Variants in ARSJ observed in about 807,000 individuals in gnomAD.
ARSJ encodes the protein arylsulfatase J.
ARSJ carries 26 observed loss-of-function variants against 35.9 expected under a neutral mutation model. The observed-to-expected ratio is 0.72, with a 90% CI of 0.53 to 1.00. ARSJ has a LOEUF of 1.00. ARSJ is among the 50% of genes least tolerant of loss of function. The pLI is 0.00. For missense variants in ARSJ, 667 were observed against 723.6 expected, an observed-to-expected ratio of 0.92 and a Z score of 0.90; for synonymous variants, 294 against 267.6, an observed-to-expected ratio of 1.10 and a Z score of -0.96.
Position 113,902,880 on chromosome 4 carries a change from T to G in ARSJ, c.1194A>C (p.Leu398=). The G allele has an allele frequency of 6.2e-7, 1 of 1,614,188 alleles. No individual in the cohort carries two copies. The highest frequency in any genetic ancestry group is 8.5e-7 in the Non-Finnish European group (1 of 1,180,030). ...AEGQIDEDIQ[L]DGYDIWETIS... ...TGGTCTCCCAGATATCATAGCCATC[T>G]AGTTGAATGTCCTCATCAATCTGTC... The change falls in exon 2 of 2, where the codon CTA becomes CTC. Residue 398 remains leucine (L), a synonymous_variant. Coordinates refer to ENST00000315366, the MANE Select transcript of ARSJ (RefSeq NM_024590.4).
intron 1 of ARSJ, among the ~76,000 whole-genome samples, chr4:113,973,422 G>C (rs1190484133): frequency 6.6e-6 from 1 of 151,956 alleles, no homozygotes; most frequent in Non-Finnish European, 1.5e-5. Context: ...CTTTGCAAAG[G>C]GTCCATGATC....
At chr4:113,940,156 T>C (rs539289427) in intron 1 of ARSJ, among the ~76,000 whole-genome samples, 35 of 152,108 alleles carry the variant, frequency 2.3e-4, no homozygotes, top group Non-Finnish European at 4.3e-4. Flanking sequence ...CCCAAAGGAA[T>C]ATAAATCATT....
At chr4:113,927,505 T>A (rs1408698981) in intron 1 of ARSJ, among the ~76,000 whole-genome samples, 1 of 152,184 alleles carries the variant, frequency 6.6e-6, no homozygotes, top group African/African-American at 2.4e-5. Flanking sequence ...GAGAGTTGAT[T>A]TACCCCTGAC....
At chr4:113,912,374 T>C (rs1722970601) in intron 1 of ARSJ, among the ~76,000 whole-genome samples, 2 of 152,154 alleles carry the variant, frequency 1.3e-5, no homozygotes, top group African/African-American at 4.8e-5. Context: ...GCAATAAGCA[T>C]GTAGACCTTA....
At chr4:113,919,568 T>C (rs925744820) in intron 1 of ARSJ, among the ~76,000 whole-genome samples, 1 of 152,216 alleles carries the variant, frequency 6.6e-6, no homozygotes, top group African/African-American at 2.4e-5. Flanking sequence ...TTTCAGGTCA[T>C]GTTCCATCAT....
intron 1 of ARSJ, 83 bp downstream of exon 1, chr4:113,978,354 T>C (rs1727718839): frequency 7.6e-7 from 1 of 1,307,900 alleles, no homozygotes; most frequent in Non-Finnish European, 1.0e-6. Context: ...TACTTTCTGT[T>C]ACTCCCTTAA....
intron 1 of ARSJ, among the ~76,000 whole-genome samples, chr4:113,913,734 TA>T (rs1476709081): frequency 6.6e-6 from 1 of 152,298 alleles, no homozygotes; most frequent in Admixed American, 6.5e-5. Flanking sequence ...GACTACAGAA[TA>T]ATGTAAAATT....
At chr4:113,969,999 G>A (rs1235533841) in intron 1 of ARSJ, among the ~76,000 whole-genome samples, 1 of 152,196 alleles carries the variant, frequency 6.6e-6, no homozygotes, top group Admixed American at 6.5e-5. Context: ...GAGTAAGAAA[G>A]CTCATCGTTG....
At chr4:113,966,982 G>T (rs1021709403) in intron 1 of ARSJ, among the ~76,000 whole-genome samples, 4 of 152,168 alleles carry the variant, frequency 2.6e-5, no homozygotes, top group Non-Finnish European at 4.4e-5. Context: ...ATCTCCTCAG[G>T]AAGGGGACAA....
At chr4:113,919,623 A>G (rs1723540055) in intron 1 of ARSJ, among the ~76,000 whole-genome samples, 1 of 152,186 alleles carries the variant, frequency 6.6e-6, no homozygotes, top group Non-Finnish European at 1.5e-5. Flanking sequence ...TTCTGTATCC[A>G]TATGAGGTAG....
intron 1 of ARSJ, among the ~76,000 whole-genome samples, chr4:113,933,630 A>T (rs1192685080): frequency 2.6e-5 from 4 of 151,914 alleles, no homozygotes; most frequent in African/African-American, 9.7e-5. Flanking sequence ...CAAGAAAAAA[A>T]CCCATATGAC....
intron 1 of ARSJ, among the ~76,000 whole-genome samples, chr4:113,940,531 C>T (rs529849194): frequency 6.6e-6 from 1 of 151,478 alleles, no homozygotes; most frequent in South Asian, 2.1e-4. Flanking sequence ...CAAAAAATAG[C>T]TAATGCATGC....
chr4:113,972,318 ACCCC>A (rs1727318459), intron 1 of ARSJ, among the ~76,000 whole-genome samples: 8 of 145,582 alleles, frequency 5.5e-5, no homozygotes, highest in Non-Finnish European at 7.5e-5. Flanking sequence ...AAAAAAAAAA[ACCCC>A]ACCATGATTT....
At chr4:113,974,283 AACCTCCCGTT>A (rs1392783868) in intron 1 of ARSJ, among the ~76,000 whole-genome samples, 3 of 151,980 alleles carry the variant, frequency 2.0e-5, no homozygotes, top group Admixed American at 6.6e-5. Flanking sequence ...AGAAAATTAA[AACCTCCCGTT>A]AATAAAAAAA....
intron 1 of ARSJ, among the ~76,000 whole-genome samples, chr4:113,931,946 T>C (rs1358933805): frequency 6.6e-6 from 1 of 152,054 alleles, no homozygotes; most frequent in African/African-American, 2.4e-5. Context: ...ACTTCCATGC[T>C]GCTTATAAGA....
chr4:113,959,602 A>G (rs1488695898), intron 1 of ARSJ, among the ~76,000 whole-genome samples: 1 of 152,052 alleles, frequency 6.6e-6, no homozygotes, highest in Admixed American at 6.6e-5. Context: ...CCTCTGTTCT[A>G]TGATTTTTTA....
At chr4:113,943,330 G>T (rs1029094127) in intron 1 of ARSJ, 3 of 152,014 alleles carry the variant, frequency 2.0e-5, no homozygotes, top group Admixed American at 2.0e-4. Flanking sequence ...CGACACAGGG[G>T]CCTAGGATCA....
At chr4:113,972,041 A>AAATTTAATATCT (rs1359478360) in intron 1 of ARSJ, among the ~76,000 whole-genome samples, 2 of 152,232 alleles carry the variant, frequency 1.3e-5, no homozygotes, top group Non-Finnish European at 2.9e-5. Context: ...TATAACTTGA[A>AAATTTAATATCT]AATTTAATAT....
chr4:113,901,886 TGCGGA>T lies in ARSJ; in HGVS notation c.*383_*387del. 9.7e-5 allele frequency: 4 copies of T among 41,362 alleles called. No individual in the cohort carries two copies. Among genetic ancestry groups the T allele is most frequent in the South Asian group, 7.9e-4 (2 of 2,540 alleles). 2.6% of individuals were successfully genotyped at this position (41,362 alleles called of 1,614,324 possible). A position where few individuals can be genotyped will look rare whatever the true frequency, so the allele number is the denominator to read the frequency against. ...GTAACTTCCATCAAATTAGCATGCT[TGCGGA>T]TGGTATACCCTGTAACTTCCATCAA... is the stretch of plus-strand genomic sequence containing the variant. On this transcript the variant is annotated 3_prime_UTR_variant, in exon 2 of 2. Transcript: ENST00000315366.
Sources: gnomAD v4.1 joint callset for allele counts (sites outside exome capture counted in the v4.1 genomes callset) on GRCh38, gnomAD v4.1.1 for gene constraint, MANE v1.5 for transcripts, NCBI Gene and HGNC (gene_info 2026-07-23, HGNC 2026-07-21) for gene names.